Variants in CNOT6 observed in about 807,000 individuals in gnomAD.
The protein encoded by CNOT6 is carbon catabolite repression 4 protein.
In CNOT6, 12 loss-of-function variants were observed where a neutral mutation model predicts 61.2. The ratio of observed to expected loss-of-function variants is 0.20; its 90% confidence interval spans 0.13 to 0.32. The LOEUF (loss-of-function observed/expected upper bound fraction) is 0.32, where lower values mean the gene tolerates loss of function less well. Ranked by LOEUF, CNOT6 falls within the 10% of genes least tolerant of loss-of-function variation. The probability of loss-of-function intolerance (pLI) is 1.00; values close to 1 mark genes in which losing one functional copy is unlikely to be tolerated. For synonymous variants in CNOT6, 225 were observed against 240.6 expected (o/e 0.94, Z 0.60); for missense variants, 405 against 663.9 (o/e 0.61, Z 4.28).
At chr5:180,558,967 T>C (rs934249954) in intron 4 of CNOT6, among the ~76,000 whole-genome samples, 1 of 152,140 alleles carries the variant, frequency 6.6e-6, no homozygotes, top group Non-Finnish European at 1.5e-5. Context: ...ATGATTTCAG[T>C]GTGGTCAGAA....
Position 180,563,062 on chromosome 5 carries a change from G to A in CNOT6, c.386-1427G>A, listed in dbSNP as rs77396046. On this transcript the variant is annotated intron_variant, in intron 4 of 11. Coordinates refer to ENST00000261951, the MANE Select transcript of CNOT6 (RefSeq NM_001370472.1). ...CTTAGAATCCTAGAATCTTAAAACC[G>A]AAAGATCTTAAAGATAAATGAACTT... is the stretch of plus-strand genomic sequence containing the variant. Among the ~76,000 whole-genome samples, 363 of 152,186 alleles carry A rather than the reference G, an allele frequency of 2.4e-3. 2 individuals carry two copies. Among genetic ancestry groups the A allele is most frequent in the African/African-American group, 8.0e-3 (334 of 41,512 alleles).
At chr5:180,508,683 T>G (rs1757242140) in intron 1 of CNOT6, among the ~76,000 whole-genome samples, 1 of 151,912 alleles carries the variant, frequency 6.6e-6, no homozygotes, top group Non-Finnish European at 1.5e-5. Context: ...AGAGCACAGG[T>G]GCCATCATGG....
In CNOT6 at chr5:180,538,686, G is replaced by GTATATATATA. The variant is rs59342527; in HGVS notation, c.112+9319_112+9328dup. Among the ~76,000 whole-genome samples the GTATATATATA allele has an allele frequency of 9.9e-3, 839 of 84,938 alleles. 5 individuals carry two copies. Among genetic ancestry groups the GTATATATATA allele is most frequent in the Middle Eastern group, 0.018 (2 of 112 alleles). The allele number at this position is 84,938 out of a possible 152,430, so 55.7% of individuals were successfully genotyped here. ...GAGCGAGACTCTGTCTGAGAAAAAG[G>GTATATATATA]TATATATATATATATATATATATAT... On this transcript the variant is annotated intron_variant, in intron 2 of 11. Coordinates refer to ENST00000261951, the MANE Select transcript of CNOT6 (RefSeq NM_001370472.1).
rs1757439025 is a variant in CNOT6 at position 180,512,493 on chromosome 5, G to A, written c.-2-16782G>A. ...AGTTTGAATTCTTCTCAGCAGTAGAGATCTTAAAGGGGAAGAGAAGGGATG... is the reference window on the plus strand; with the variant it reads ...AGTTTGAATTCTTCTCAGCAGTAGAAATCTTAAAGGGGAAGAGAAGGGATG... On this transcript the variant is annotated intron_variant, in intron 1 of 11. Coordinates refer to ENST00000261951, the MANE Select transcript of CNOT6 (RefSeq NM_001370472.1). 2.0e-5 allele frequency among the ~76,000 whole-genome samples: 3 copies of A among 152,348 alleles called. 1 individual carries two copies. In the South Asian group the frequency reaches 6.2e-4, roughly 32 times the overall value.
rs547239893 is a variant in CNOT6, at chr5:180,544,758, T to C, written c.113-5173T>C. 2.1e-4 allele frequency among the ~76,000 whole-genome samples: 32 copies of C among 152,328 alleles called. No homozygotes were observed. In the South Asian group the frequency reaches 6.6e-3, roughly 32 times the overall value. Reference sequence around the variant, plus strand: ...GGAGCTCTGTTTGCTTCTTTAGGCATACCCTTCCCCTCTCTTGAGTGAAGA... The same window carrying C: ...GGAGCTCTGTTTGCTTCTTTAGGCACACCCTTCCCCTCTCTTGAGTGAAGA... On this transcript the variant is annotated intron_variant, in intron 2 of 11. Transcript: ENST00000261951.
intron 11 of CNOT6, among the ~76,000 whole-genome samples, chr5:180,572,136 C>G (rs1760781546): frequency 6.6e-6 from 1 of 152,088 alleles, no homozygotes; most frequent in Admixed American, 6.6e-5. Context: ...TGAAAGTAAA[C>G]TCTTGCATGC....
At chr5:180,541,868 G>T (rs1010061499) in intron 2 of CNOT6, among the ~76,000 whole-genome samples, 2 of 151,756 alleles carry the variant, frequency 1.3e-5, no homozygotes, top group African/African-American at 4.8e-5. Context: ...AGCAGACGGG[G>T]TCTCGCTCTG....
chr5:180,533,677 A>G (rs1758518599), intron 2 of CNOT6, among the ~76,000 whole-genome samples: 1 of 152,128 alleles, frequency 6.6e-6, no homozygotes, highest in Non-Finnish European at 1.5e-5. Context: ...AGCCTCCCAA[A>G]GTGCTGGTAT....
At position 180,536,127 on chromosome 5, in the gene CNOT6, C is replaced by T. The variant is rs181584563; in HGVS notation, c.112+6739C>T. ...TCTCCTGCCTCAGCCTCCTGAGTAG[C>T]TGGTACTACAGGCACCCGCCACCAC... On this transcript the variant is annotated intron_variant, in intron 2 of 11. Coordinates refer to ENST00000261951, the MANE Select transcript of CNOT6 (RefSeq NM_001370472.1). 3.1e-4 allele frequency among the ~76,000 whole-genome samples: 46 copies of T among 150,802 alleles called. No individual in the cohort carries two copies. In the East Asian group the frequency reaches 8.5e-3, roughly 28 times the overall value.
At chr5:180,552,645 C>CA (rs372136116) in intron 3 of CNOT6, among the ~76,000 whole-genome samples, 65,003 of 134,316 alleles carry the variant, frequency 0.48, 15,849 homozygotes, top group Non-Finnish European at 0.58. Flanking sequence ...GACTCCGTCT[C>CA]AAAAAAAAAA....
intron 10 of CNOT6, 124 bp downstream of exon 10, chr5:180,569,464 C>A: frequency 1.3e-6 from 1 of 763,392 alleles, no homozygotes; most frequent in Non-Finnish European, 2.1e-6. Flanking sequence ...CAGCTATGAG[C>A]AGGTTTTAAA....
chr5:180,510,587 G>A (rs898927018), intron 1 of CNOT6, among the ~76,000 whole-genome samples: 24 of 152,162 alleles, frequency 1.6e-4, no homozygotes, highest in African/African-American at 5.6e-4. Context: ...TGGTAGGCCT[G>A]CCATCTCAGT....
chr5:180,527,402 G>A (rs1758149652), intron 1 of CNOT6, among the ~76,000 whole-genome samples: 1 of 152,114 alleles, frequency 6.6e-6, no homozygotes, highest in Non-Finnish European at 1.5e-5. Context: ...GCGTCTGGAT[G>A]TCTGTATTCT....
intron 4 of CNOT6, among the ~76,000 whole-genome samples, chr5:180,557,611 C>G (rs1369295077): frequency 2.0e-5 from 3 of 152,000 alleles, no homozygotes; most frequent in African/African-American, 4.8e-5. Flanking sequence ...ATTCTAGGTA[C>G]GAGTCGTTGG....
chr5:180,542,168 G>A (rs1024846985), intron 2 of CNOT6, among the ~76,000 whole-genome samples: 2 of 151,996 alleles, frequency 1.3e-5, no homozygotes, highest in Admixed American at 6.6e-5. Context: ...ATGTGTCTTC[G>A]TGTAGTTTTC....
Position 180,574,039 on chromosome 5 carries a change from A to G in CNOT6, c.1513A>G (p.Ile505Val), listed in dbSNP as rs745429039. 2.5e-6 allele frequency: 4 copies of G among 1,614,080 alleles called. No homozygotes were observed. Among genetic ancestry groups the G allele is most frequent in the East Asian group, 2.2e-5 (1 of 44,880 alleles). Residue 505 changes from isoleucine (I) to valine (V), a missense_variant, in exon 12 of 12, where the codon ATC becomes GTC. Transcript: ENST00000261951. ...TAAACCTCAGCTGAACACCTTAGGC[A>G]TCCTGGGCCCTCTGGACCACCACTG... ...YSKPQLNTLG[I>V]LGPLDHHWLV...
chr5:180,521,011 A>AT (rs1757858459), intron 1 of CNOT6, among the ~76,000 whole-genome samples: 1 of 151,644 alleles, frequency 6.6e-6, no homozygotes, highest in African/African-American at 2.4e-5. Context: ...CACCCAGATA[A>AT]TTTTTGTATT....
chr5:180,506,769 C>T lies in CNOT6; in HGVS notation c.-3+12006C>T, dbSNP rs532913982. 2.6e-5 allele frequency among the ~76,000 whole-genome samples: 4 copies of T among 152,240 alleles called. No individual in the cohort carries two copies. In the East Asian group the frequency reaches 7.7e-4, roughly 29 times the overall value. The stretch of plus-strand genomic sequence containing the variant: ...TTTTTCTTATTCCTAGTAAGATAGG[C>T]ACTGCTTTTAAGGCTTCTTTTGCAC... On this transcript the variant is annotated intron_variant, in intron 1 of 11. Transcript: ENST00000261951.
chr5:180,564,241 T>C (rs999283855), intron 4 of CNOT6, among the ~76,000 whole-genome samples: 1 of 152,224 alleles, frequency 6.6e-6, no homozygotes, highest in East Asian at 1.9e-4. Flanking sequence ...GGGTCAGATA[T>C]AGAGCACTGC....
Sources: gnomAD v4.1 joint callset for allele counts (sites outside exome capture counted in the v4.1 genomes callset) on GRCh38, gnomAD v4.1.1 for gene constraint, MANE v1.5 for transcripts, NCBI Gene and HGNC (gene_info 2026-07-23, HGNC 2026-07-21) for gene names.